CLVS1: variants seen among roughly 807,000 people sequenced by gnomAD.
CLVS1 encodes clavesin 1.
In CLVS1, 10 loss-of-function variants were observed where a neutral mutation model predicts 33.1. That is an observed-to-expected ratio of 0.30 (90% CI 0.19 to 0.51). CLVS1 has a LOEUF of 0.51. Ranked by LOEUF, CLVS1 falls within the 20% of genes least tolerant of loss-of-function variation. The pLI is 0.97. For synonymous variants in CLVS1, 163 were observed against 166.1 expected (o/e 0.98, Z 0.14); for missense variants, 343 against 433.4 (o/e 0.79, Z 1.85).
At chr8:61,161,193 T>C (rs1225069778) in intron 2 of CLVS1, among the ~76,000 whole-genome samples, 18 of 131,208 alleles carry the variant, frequency 1.4e-4, no homozygotes, top group Admixed American at 1.4e-3. Context: ...GGTGAGGATG[T>C]AGAGAGAAGT....
intron 2 of CLVS1, among the ~76,000 whole-genome samples, chr8:61,257,563 A>G (rs1809111874): frequency 6.6e-6 from 1 of 152,210 alleles, no homozygotes; most frequent in Admixed American, 6.5e-5. Flanking sequence ...GTACCATTGC[A>G]GAGCAAAGGC....
intron 5 of CLVS1, among the ~76,000 whole-genome samples, chr8:61,498,869 C>T (rs760761840): frequency 6.6e-6 from 1 of 152,200 alleles, no homozygotes. Flanking sequence ...CCATCTGATT[C>T]ATGGTCTTAA....
intron 2 of CLVS1, among the ~76,000 whole-genome samples, chr8:61,196,768 C>G (rs1807622473): frequency 6.6e-6 from 1 of 152,156 alleles, no homozygotes; most frequent in South Asian, 2.1e-4. Flanking sequence ...CCCCTTTGCT[C>G]TTTTAGTAAT....
chr8:61,051,127 A>G, the CLVS1 span, among the ~76,000 whole-genome samples: 78 of 152,344 alleles, frequency 5.1e-4, no homozygotes, highest in African/African-American at 1.8e-3. Context: ...AGAACATTAG[A>G]GAGCTCTAAT....
At position 61,165,239 on chromosome 8, in the gene CLVS1, G is replaced by A. The variant is rs143120437; in HGVS notation, c.-152+33379G>A. ...GAATGGAAGTCAGCGGCGGGTCTGC[G>A]ACAGTGGCAAAACAGCAGGGGTGGA... On this transcript the variant is annotated intron_variant, in intron 2 of 2. Transcript: ENST00000522621. Among the ~76,000 whole-genome samples the A allele has an allele frequency of 4.8e-3, 724 of 152,316 alleles. 5 individuals are homozygous for A. The highest frequency in any genetic ancestry group is 0.015 in the African/African-American group (614 of 41,568).
chr8:61,117,869 G>C (rs942345562), intron 1 of CLVS1, among the ~76,000 whole-genome samples: 2,004 of 151,628 alleles, frequency 0.013, 55 homozygotes, highest in African/African-American at 0.046. Flanking sequence ...TTTGGTATCA[G>C]AATGATGCTG....
chr8:61,454,191 G>A lies in CLVS1; in HGVS notation c.681G>A (p.Trp227Ter). 1 of 1,614,036 alleles carries A rather than the reference G, an allele frequency of 6.2e-7. No individual in the cohort carries two copies. The highest frequency in any genetic ancestry group is 8.5e-7 in the Non-Finnish European group (1 of 1,179,988). ...FGGVHFVNQP[W>*]YIHALYTLIK... ...GAGTCCACTTTGTCAACCAGCCCTGGTACATTCATGCCCTCTACACACTCA... is the reference window on the plus strand; with the variant it reads ...GAGTCCACTTTGTCAACCAGCCCTGATACATTCATGCCCTCTACACACTCA... Residue 227 changes from tryptophan (W) to a stop codon, truncating the protein, a stop_gained, in exon 4 of 6, where the codon TGG becomes TGA. Coordinates refer to ENST00000325897, the MANE Select transcript of CLVS1 (RefSeq NM_173519.3). LOFTEE classifies it high-confidence loss of function.
intron 3 of CLVS1, among the ~76,000 whole-genome samples, chr8:61,449,273 A>G (rs949848782): frequency 2.0e-5 from 3 of 152,174 alleles, no homozygotes; most frequent in Non-Finnish European, 2.9e-5. Flanking sequence ...TTGACTGTCA[A>G]TTAGTCCCCT....
chr8:61,451,128 A>G (rs1816935543), intron 3 of CLVS1, among the ~76,000 whole-genome samples: 1 of 152,164 alleles, frequency 6.6e-6, no homozygotes, highest in South Asian at 2.1e-4. Context: ...AAGACATTTA[A>G]TGTTAACAAA....
chr8:61,471,743 A>G (rs930306433), intron 5 of CLVS1, among the ~76,000 whole-genome samples: 1 of 152,188 alleles, frequency 6.6e-6, no homozygotes, highest in Non-Finnish European at 1.5e-5. Flanking sequence ...GTCCCCTCCC[A>G]GTCTGAGCCT....
At chr8:61,443,083 C>T (rs181666543) in intron 3 of CLVS1, among the ~76,000 whole-genome samples, 125 of 152,154 alleles carry the variant, frequency 8.2e-4, no homozygotes, top group African/African-American at 2.7e-3. Flanking sequence ...CATTGGATTT[C>T]TTGTTTCAAT....
At chr8:61,324,706 G>A (rs2129596630) in intron 2 of CLVS1, among the ~76,000 whole-genome samples, 1 of 152,218 alleles carries the variant, frequency 6.6e-6, no homozygotes, top group Admixed American at 6.5e-5. Flanking sequence ...TGAACAATAA[G>A]TTCCAGGCTG....
At chr8:61,142,967 C>T (rs777751326) in intron 2 of CLVS1, among the ~76,000 whole-genome samples, 2 of 152,136 alleles carry the variant, frequency 1.3e-5, no homozygotes, top group Non-Finnish European at 2.9e-5. Context: ...TTGAAGGAAG[C>T]AAATTAATAG....
chr8:61,332,803 G>T (rs1416015230), intron 2 of CLVS1, among the ~76,000 whole-genome samples: 1 of 151,972 alleles, frequency 6.6e-6, no homozygotes, highest in Non-Finnish European at 1.5e-5. Flanking sequence ...CACCATGCCC[G>T]GGTAGGTTTT....
intron 3 of CLVS1, among the ~76,000 whole-genome samples, chr8:61,445,038 C>T (rs1471708206): frequency 1.3e-5 from 2 of 152,104 alleles, no homozygotes; most frequent in Non-Finnish European, 2.9e-5. Context: ...GTCCAGAAGA[C>T]CTCAGATGTC....
chr8:61,330,967 A>G (rs888535780), intron 2 of CLVS1, among the ~76,000 whole-genome samples: 1 of 151,978 alleles, frequency 6.6e-6, no homozygotes, highest in African/African-American at 2.4e-5. Flanking sequence ...ATGTTCCTGT[A>G]GCTACTCAAG....
Position 61,250,708 on chromosome 8 carries a change from GCTCT to G in CLVS1, c.-151-48966_-151-48963del, listed in dbSNP as rs1371518866. Reference sequence around the variant, plus strand: ...TGAATGGGAATTCACTCATGATTTGGCTCTCTGTTTGTCTGTTATTGGTGTAAAG... The same window carrying G: ...TGAATGGGAATTCACTCATGATTTGGCTGTTTGTCTGTTATTGGTGTAAAG... On this transcript the variant is annotated intron_variant, in intron 2 of 2. Coordinates refer to the CLVS1 transcript ENST00000522621. Among the ~76,000 whole-genome samples the G allele has an allele frequency of 5.3e-5, 8 of 152,114 alleles. No individual in the cohort carries two copies. In the South Asian group the frequency reaches 6.3e-4, roughly 12 times the overall value.
intron 2 of CLVS1, among the ~76,000 whole-genome samples, chr8:61,161,474 A>C (rs72654661): frequency 0.028 from 4,307 of 152,328 alleles, 113 homozygotes; most frequent in Non-Finnish European, 0.042. Context: ...GCCTTAAAAA[A>C]GAAGAAAATT....
At chr8:61,402,752 C>T (rs1814820122) in intron 3 of CLVS1, among the ~76,000 whole-genome samples, 1 of 152,118 alleles carries the variant, frequency 6.6e-6, no homozygotes, top group African/African-American at 2.4e-5. Flanking sequence ...AGTGGTGCAA[C>T]TTAATCTATA....
Sources: allele counts gnomAD v4.1 joint callset (sites outside exome capture counted in the v4.1 genomes callset), GRCh38; gene constraint gnomAD v4.1.1; transcripts MANE v1.5; gene names NCBI Gene and HGNC (gene_info 2026-07-23, HGNC 2026-07-21).